ZFPM1: variants seen among roughly 807,000 people sequenced by gnomAD.
ZFPM1 encodes the protein zinc finger protein, FOG family member 1, also known as zinc finger protein ZFPM1.
A neutral mutation model predicts 46.3 loss-of-function variants in ZFPM1; 28 were observed. The observed-to-expected ratio is 0.60, with a 90% CI of 0.45 to 0.83. The LOEUF (loss-of-function observed/expected upper bound fraction) is 0.83, where lower values mean the gene tolerates loss of function less well. Ranked by LOEUF, ZFPM1 falls within the 40% of genes least tolerant of loss-of-function variation. ZFPM1 has a pLI of 0.00. For missense variants in ZFPM1, 1,878 were observed against 1,432.4 expected (o/e 1.31, Z -5.02); for synonymous variants, 957 against 675.9 (o/e 1.42, Z -6.45).
intron 4 of ZFPM1, among the ~76,000 whole-genome samples, chr16:88,515,835 C>T (rs529197423): frequency 2.0e-5 from 3 of 152,194 alleles, no homozygotes; most frequent in Non-Finnish European, 2.9e-5. Flanking sequence ...CATCACTGTA[C>T]GCGTGTGAGC....
At chr16:88,457,660 T>C (rs1286160213) in intron 1 of ZFPM1, among the ~76,000 whole-genome samples, 3 of 152,076 alleles carry the variant, frequency 2.0e-5, no homozygotes, top group African/African-American at 7.2e-5. Flanking sequence ...TTAGTTAAAA[T>C]TTTTTTACAA....
Position 88,497,660 on chromosome 16 carries a change from C to T in ZFPM1, c.268+8507C>T, listed in dbSNP as rs1253629522. 6.6e-6 allele frequency among the ~76,000 whole-genome samples: 1 copy of T among 152,090 alleles called. No homozygotes were observed. Among genetic ancestry groups the T allele is most frequent in the African/African-American group, 2.4e-5 (1 of 41,394 alleles). ...GGGGGGTGTTCGTGCCGTGAGCGAT[C>T]CGGTCCAGCATCCCGGCGCTGGGAG... On this transcript the variant is annotated intron_variant, in intron 3 of 9. Coordinates refer to ENST00000319555, the MANE Select transcript of ZFPM1 (RefSeq NM_153813.3). The surrounding 1 kb of genome is among the most constrained non-coding windows in gnomAD (Gnocchi z 5.4).
chr16:88,535,274 T>A lies in ZFPM1; in HGVS notation c.*295T>A. 3.9e-6 allele frequency: 1 copy of A among 255,180 alleles called. No homozygotes were observed. Among genetic ancestry groups the A allele is most frequent in the Non-Finnish European group, 7.5e-6 (1 of 133,924 alleles). 15.8% of individuals were successfully genotyped at this position (255,180 alleles called of 1,614,324 possible). A position where few individuals can be genotyped will look rare whatever the true frequency, so the allele number is the denominator to read the frequency against. On this transcript the variant is annotated 3_prime_UTR_variant, in exon 10 of 10. Transcript: ENST00000319555. ...CTGCGGCCCGGAGTGGCTGGGCCCC[T>A]GCCGGAGTTACACCACTGGGTGCTA...
rs562811770 is a variant in ZFPM1, at chr16:88,480,827, C to G, written c.41-5112C>G. ...GGGCCCACAGTCTGGGGGATGCCCC[C>G]CTCTCCTCAGCGACTGGCTCCAGCT... On this transcript the variant is annotated intron_variant, in intron 1 of 9. Transcript: ENST00000319555. This position sits in a 1 kb window ranked among gnomAD's most constrained non-coding sequence, Gnocchi z 4.9. 1.3e-5 allele frequency among the ~76,000 whole-genome samples: 2 copies of G among 152,230 alleles called. No homozygotes were observed.
In ZFPM1 at chr16:88,526,928, G is replaced by T; in HGVS notation, c.505+12G>T. The T allele has an allele frequency of 6.4e-7, 1 of 1,558,804 alleles. No individual in the cohort carries two copies. The highest frequency in any genetic ancestry group is 1.4e-5 in the African/African-American group (1 of 73,770). ...GATCCACAGGAAGGGTCAGTATGAC[G>T]CGGCACCTCCGTCCCAAGCCTTCCG... On this transcript the variant is annotated intron_variant, in intron 5 of 9. Coordinates refer to ENST00000319555, the MANE Select transcript of ZFPM1 (RefSeq NM_153813.3).
chr16:88,482,095 C>T (rs1451446100), intron 1 of ZFPM1, among the ~76,000 whole-genome samples: 1 of 152,224 alleles, frequency 6.6e-6, no homozygotes, highest in East Asian at 1.9e-4. Flanking sequence ...GGTTGGCCTG[C>T]TCCAGCTGTT....
intron 1 of ZFPM1, among the ~76,000 whole-genome samples, chr16:88,472,941 A>G (rs1908493416): frequency 6.6e-6 from 1 of 152,248 alleles, no homozygotes; most frequent in Non-Finnish European, 1.5e-5. Context: ...CACAGAGCTC[A>G]GAGCTCTAGC....
At chr16:88,501,888 G>A (rs2142402889) in intron 3 of ZFPM1, among the ~76,000 whole-genome samples, 1 of 152,188 alleles carries the variant, frequency 6.6e-6, no homozygotes, top group Non-Finnish European at 1.5e-5. Flanking sequence ...CAGCCCGCGA[G>A]GGGGCTCCTG....
At chr16:88,462,792 C>G (rs1208417722) in intron 1 of ZFPM1, among the ~76,000 whole-genome samples, 4 of 152,280 alleles carry the variant, frequency 2.6e-5, no homozygotes, top group African/African-American at 4.8e-5. Flanking sequence ...CAGGGTTGCC[C>G]GGTCTTCGTG....
At chr16:88,483,369 C>T (rs571422663) in intron 1 of ZFPM1, among the ~76,000 whole-genome samples, 235 of 152,256 alleles carry the variant, frequency 1.5e-3, no homozygotes, top group African/African-American at 5.3e-3. Context: ...GGCCAGGACC[C>T]TGCCTGCCCT....
chr16:88,453,704 C>T lies in ZFPM1; in HGVS notation c.40+26C>T, dbSNP rs762497127. 7.4e-5 allele frequency: 88 copies of T among 1,181,784 alleles called. 2 individuals carry two copies. The South Asian group carries it at 1.3e-3, about 18-fold the overall frequency. The allele number at this position is 1,181,784 out of a possible 1,614,324, so 73.2% of individuals were successfully genotyped here. A position where few individuals can be genotyped will look rare whatever the true frequency, so the allele number is the denominator to read the frequency against. On this transcript the variant is annotated intron_variant, in intron 1 of 9. Transcript: ENST00000319555. The stretch of plus-strand genomic sequence containing the variant: ...GTGAGTCAAACTTTGCCCGCGGTCC[C>T]CTCCGCGCGCCCGACCCCCGCCGGA...
In ZFPM1 at chr16:88,533,842, G is replaced by A; in HGVS notation, c.1884G>A (p.Gln628=). ...PPGPARAPPG[Q]PAEPDAPRSS... ...GCCCGGCCCGCGCGCCCCCCGGCCA[G>A]CCCGCCGAACCCGACGCGCCGCGCT... The change falls in exon 10 of 10, where the codon CAG becomes CAA. Residue 628 remains glutamine (Q), a synonymous_variant. Coordinates refer to ENST00000319555, the MANE Select transcript of ZFPM1 (RefSeq NM_153813.3). 2.4e-5 allele frequency: 24 copies of A among 985,838 alleles called. No individual in the cohort carries two copies. The highest frequency in any genetic ancestry group is 2.9e-5 in the Non-Finnish European group (24 of 831,304). The allele number at this position is 985,838 out of a possible 1,614,324, so 61.1% of individuals were successfully genotyped here. A position where few individuals can be genotyped will look rare whatever the true frequency, so the allele number is the denominator to read the frequency against.
upstream of ZFPM1, among the ~76,000 whole-genome samples, chr16:88,452,136 G>A (rs564064982): frequency 6.6e-6 from 1 of 152,324 alleles, no homozygotes; most frequent in African/African-American, 2.4e-5. Flanking sequence ...GAGTACGGGG[G>A]ATGGGGGAGC....
At chr16:88,484,927 C>A (rs1375399976) in intron 1 of ZFPM1, among the ~76,000 whole-genome samples, 1 of 152,242 alleles carries the variant, frequency 6.6e-6, no homozygotes, top group Non-Finnish European at 1.5e-5. Flanking sequence ...AGTTCCCCCA[C>A]CCCGATGTGT....
chr16:88,521,835 TATGCTGTTCCCTCTCC>T (rs1441496402), intron 4 of ZFPM1, among the ~76,000 whole-genome samples: 2 of 140,410 alleles, frequency 1.4e-5, no homozygotes, highest in East Asian at 4.7e-4. Context: ...TTCCCTCCCC[TATGCTGTTCCCTCTCC>T]ATGCTGTTCC....
chr16:88,533,184 T>C lies in ZFPM1; in HGVS notation c.1226T>C (p.Leu409Pro). 1 of 1,529,252 alleles carries C rather than the reference T, an allele frequency of 6.5e-7. No individual in the cohort carries two copies. Among genetic ancestry groups the C allele is most frequent in the Non-Finnish European group, 8.7e-7 (1 of 1,147,456 alleles). 94.7% of individuals were successfully genotyped at this position (1,529,252 alleles called of 1,614,324 possible). ...LGSFQQQHTA[L>P]QGPLASADLG... Reference sequence around the variant, plus strand: ...AGCTTCCAGCAGCAGCACACGGCCCTGCAAGGCCCCCTGGCCTCCGCGGAC... The same window carrying C: ...AGCTTCCAGCAGCAGCACACGGCCCCGCAAGGCCCCCTGGCCTCCGCGGAC... The change falls in exon 10 of 10, where the codon CTG becomes CCG. Residue 409 changes from leucine (L) to proline (P), a missense_variant. Leu to Pro is a moderately conservative substitution (Grantham distance 98). Transcript: ENST00000319555.
chr16:88,452,336 T>C (rs1360214607), upstream of ZFPM1, among the ~76,000 whole-genome samples: 1 of 152,072 alleles, frequency 6.6e-6, no homozygotes, highest in Non-Finnish European at 1.5e-5. Context: ...CCCACAAACC[T>C]CGCTGACCTC....
intron 3 of ZFPM1, among the ~76,000 whole-genome samples, chr16:88,496,371 G>A (rs1344989856): frequency 6.6e-6 from 1 of 152,068 alleles, no homozygotes; most frequent in Non-Finnish European, 1.5e-5. Flanking sequence ...GGCTGGGTTG[G>A]TGCTTGGGGA....
chr16:88,486,733 T>C lies in ZFPM1; in HGVS notation c.145+690T>C, dbSNP rs535349274. The stretch of plus-strand genomic sequence containing the variant: ...TACTGGGGGCACAGTGGATGCTGGG[T>C]GCACAGCGGATGGGTGCTGGGTGCA... On this transcript the variant is annotated intron_variant, in intron 2 of 9. Transcript: ENST00000319555. Among the ~76,000 whole-genome samples the C allele has an allele frequency of 6.7e-5, 10 of 148,522 alleles. No homozygotes were observed. In the South Asian group the frequency reaches 2.1e-3, roughly 32 times the overall value.
Sources: allele counts gnomAD v4.1 joint callset (sites outside exome capture counted in the v4.1 genomes callset), GRCh38; gene constraint gnomAD v4.1.1; non-coding constraint Gnocchi (gnomAD v3.1); transcripts MANE v1.5; gene names NCBI Gene and HGNC (gene_info 2026-07-23, HGNC 2026-07-21).